TIMM23: variants seen among roughly 807,000 people sequenced by gnomAD.
The protein encoded by TIMM23 is mitochondrial import inner membrane translocase subunit Tim23.
Under a neutral mutation model 30.7 loss-of-function variants are expected in TIMM23, and 19 were observed. The ratio of observed to expected loss-of-function variants is 0.62; its 90% confidence interval spans 0.43 to 0.91. The LOEUF is 0.91. TIMM23 is among the 40% of genes least tolerant of loss of function. The pLI is 0.00. For missense variants in TIMM23, 202 were observed against 269.2 expected, an observed-to-expected ratio of 0.75 and a Z score of 1.75; for synonymous variants, 78 against 98.5, an observed-to-expected ratio of 0.79 and a Z score of 1.23.
chr10:45,982,079 A>G (rs1412451165), intron 2 of TIMM23, among the ~76,000 whole-genome samples: 1 of 152,160 alleles, frequency 6.6e-6, no homozygotes, highest in Non-Finnish European at 1.5e-5. Flanking sequence ...AATTGATCCA[A>G]ACTGTTGTAC....
intron 3 of TIMM23, 70 bp downstream of exon 3, chr10:45,982,686 A>G (rs1837881168): frequency 6.3e-7 from 1 of 1,597,132 alleles, no homozygotes; most frequent in East Asian, 2.2e-5. Context: ...AATCAAAAGC[A>G]ATTAGAATGT....
Position 46,003,396 on chromosome 10 carries a change from C to A in TIMM23, c.*78C>A. The A allele has an allele frequency of 1.0e-6, 1 of 992,584 alleles. No homozygotes were observed. Among genetic ancestry groups the A allele is most frequent in the Non-Finnish European group, 1.5e-6 (1 of 651,914 alleles). The allele number at this position is 992,584 out of a possible 1,614,324, so 61.5% of individuals were successfully genotyped here. ...TTATAAGACAGTTTGGAGTTATTCT[C>A]TCTCTTCTACCTACAATTAGTTTGA... is the stretch of plus-strand genomic sequence containing the variant. On this transcript the variant is annotated 3_prime_UTR_variant, in exon 7 of 7. Coordinates refer to ENST00000580018, the MANE Select transcript of TIMM23 (RefSeq NM_006327.4).
chr10:45,997,370 T>C (rs1397262016), intron 6 of TIMM23, among the ~76,000 whole-genome samples: 1 of 152,208 alleles, frequency 6.6e-6, no homozygotes, highest in Non-Finnish European at 1.5e-5. Context: ...TGTGAGGTAC[T>C]TAGAATAGTC....
intron 5 of TIMM23, among the ~76,000 whole-genome samples, chr10:45,987,817 C>G (rs1385533757): frequency 1.3e-5 from 2 of 151,726 alleles, no homozygotes; most frequent in Non-Finnish European, 2.9e-5. Context: ...GGGGGTATCC[C>G]TATGTTGTTG....
chr10:45,993,202 C>CTAG (rs1424942414), intron 6 of TIMM23, among the ~76,000 whole-genome samples: 4 of 139,344 alleles, frequency 2.9e-5, no homozygotes, highest in Non-Finnish European at 4.5e-5. Context: ...AATGACCCTT[C>CTAG]TAGTACTTGC....
intron 6 of TIMM23, among the ~76,000 whole-genome samples, chr10:45,994,868 T>C (rs1326253098): frequency 6.6e-6 from 1 of 152,190 alleles, no homozygotes; most frequent in Non-Finnish European, 1.5e-5. Flanking sequence ...GTGCCTAAGG[T>C]CATTTCCAAA....
In TIMM23 at chr10:45,996,755, G is replaced by A. The variant is rs1590129891; in HGVS notation, c.515-6448G>A. ...AATCCCAGCACTTTGGGAAGCCAAT[G>A]TGGGCAGATTGAGTCCAGGAGTGTA... On this transcript the variant is annotated intron_variant, in intron 6 of 6. Transcript: ENST00000580018. Among the ~76,000 whole-genome samples, 10 of 152,162 alleles carry A rather than the reference G, an allele frequency of 6.6e-5. No homozygotes were observed. In the South Asian group the frequency reaches 2.1e-3, roughly 31 times the overall value.
chr10:45,998,309 T>C (rs1397793695), intron 6 of TIMM23: 8 of 897,142 alleles, frequency 8.9e-6, no homozygotes, highest in African/African-American at 1.8e-5. Context: ...ACTTAAATAT[T>C]CTGGGCCTCA....
chr10:45,994,731 C>T (rs1293415424), intron 6 of TIMM23, among the ~76,000 whole-genome samples: 3 of 146,874 alleles, frequency 2.0e-5, no homozygotes, highest in Non-Finnish European at 3.0e-5. Context: ...TGTGAACCAC[C>T]GCGCCCGGCC....
At chr10:45,992,469 A>C in intron 6 of TIMM23, 1 of 455,898 alleles carries the variant, frequency 2.2e-6, no homozygotes, top group South Asian at 1.6e-5. Context: ...GAGAATTGTG[A>C]AACTTAACTC....
At chr10:45,996,223 A>C (rs1391749845) in intron 6 of TIMM23, among the ~76,000 whole-genome samples, 1 of 143,530 alleles carries the variant, frequency 7.0e-6, no homozygotes, top group East Asian at 2.0e-4. Flanking sequence ...TTATCCGGGC[A>C]TGGTGGTGGG....
chr10:45,985,773 C>T (rs1837973075), intron 5 of TIMM23, among the ~76,000 whole-genome samples: 1 of 152,192 alleles, frequency 6.6e-6, no homozygotes, highest in Non-Finnish European at 1.5e-5. Flanking sequence ...GTATGTTAGG[C>T]AAGGTTCAAG....
intron 6 of TIMM23, among the ~76,000 whole-genome samples, chr10:45,997,186 C>T (rs1394258006): frequency 1.3e-5 from 2 of 152,030 alleles, no homozygotes; most frequent in African/African-American, 2.4e-5. Flanking sequence ...CATGCCACTG[C>T]ACTCCAGCCT....
intron 2 of TIMM23, 65 bp downstream of exon 2, chr10:45,975,577 A>T: frequency 6.2e-7 from 1 of 1,600,998 alleles, no homozygotes; most frequent in Non-Finnish European, 8.5e-7. Flanking sequence ...GCCAAGTGCT[A>T]TGCTGACTTG....
At chr10:45,975,228 G>A (rs1436865051) in intron 1 of TIMM23, among the ~76,000 whole-genome samples, 1 of 152,168 alleles carries the variant, frequency 6.6e-6, no homozygotes, top group Non-Finnish European at 1.5e-5. Flanking sequence ...TATCTTATTG[G>A]TGTAAAAGCC....
chr10:45,999,586 A>G (rs1554917304), intron 6 of TIMM23, among the ~76,000 whole-genome samples: 1 of 152,172 alleles, frequency 6.6e-6, no homozygotes, highest in Non-Finnish European at 1.5e-5. Flanking sequence ...AGTACTTCAC[A>G]AGGTAATAGA....
chr10:46,000,051 C>T (rs1429315074), intron 6 of TIMM23, among the ~76,000 whole-genome samples: 13 of 152,112 alleles, frequency 8.5e-5, no homozygotes, highest in African/African-American at 3.1e-4. Context: ...GTACCCTGTT[C>T]TTTTTTCAAG....
At position 45,972,619 on chromosome 10, in the gene TIMM23, G is replaced by T. The variant is rs1308948589; in HGVS notation, c.-6G>T. The T allele has an allele frequency of 1.2e-6, 2 of 1,612,972 alleles. No individual in the cohort carries two copies. Among genetic ancestry groups the T allele is most frequent in the African/African-American group, 2.7e-5 (2 of 74,918 alleles). ...CGGCGGGAACCACTCGGTTTGCTGC[G>T]ATACCATGGAAGGAGGCGGGGGAAG... On this transcript the variant is annotated 5_prime_UTR_variant, in exon 1 of 7. Coordinates refer to ENST00000580018, the MANE Select transcript of TIMM23 (RefSeq NM_006327.4).
chr10:45,991,198 A>G (rs1227630590), intron 6 of TIMM23, among the ~76,000 whole-genome samples: 1 of 152,244 alleles, frequency 6.6e-6, no homozygotes, highest in African/African-American at 2.4e-5. Flanking sequence ...TATACGATAC[A>G]TATAAGGAAG....
Sources: gnomAD v4.1 joint callset for allele counts (sites outside exome capture counted in the v4.1 genomes callset) on GRCh38, gnomAD v4.1.1 for gene constraint, MANE v1.5 for transcripts, NCBI Gene and HGNC (gene_info 2026-07-23, HGNC 2026-07-21) for gene names.